Variants in ZNF665 observed in about 807,000 individuals in gnomAD.
The protein encoded by ZNF665 is zinc finger protein 665.
ZNF665 carries 6 observed loss-of-function variants against 7.9 expected under a neutral mutation model. That is an observed-to-expected ratio of 0.76 (90% CI 0.42 to 1.50). ZNF665 has a LOEUF of 1.50. ZNF665 is among the 40% of genes most tolerant of loss of function. The pLI is 0.01. For synonymous variants in ZNF665, 242 were observed against 274.5 expected, an observed-to-expected ratio of 0.88 and a Z score of 1.17; for missense variants, 819 against 806.7, an observed-to-expected ratio of 1.02 and a Z score of -0.18.
In ZNF665 at chr19:53,166,199, G is replaced by T. The variant is rs1599870479; in HGVS notation, c.291C>A (p.Asp97Glu). ...SFQEVQKNTY[D>E]FECQWKDDEG... ...CATCATCTTTCCACTGACACTCAAA[G>T]TCGTATGTATTTTTCTGAACTTCCT... Residue 97 changes from aspartate (D) to glutamate (E), a missense_variant, in exon 4 of 4, where the codon GAC (aspartate) becomes GAA (glutamate). Asp to Glu is a conservative substitution (Grantham distance 45). Coordinates refer to ENST00000396424, the MANE Select transcript of ZNF665 (RefSeq NM_024733.5). 1 of 1,613,892 alleles carries T rather than the reference G, an allele frequency of 6.2e-7. No individual in the cohort carries two copies. Among genetic ancestry groups the T allele is most frequent in the Non-Finnish European group, 8.5e-7 (1 of 1,179,876 alleles).
chr19:53,177,781 T>C (rs755850418), intron 2 of ZNF665, among the ~76,000 whole-genome samples: 14 of 152,182 alleles, frequency 9.2e-5, no homozygotes, highest in Non-Finnish European at 1.9e-4. Context: ...ACAATGCCCA[T>C]ATGCAAGGTA....
intron 3 of ZNF665, among the ~76,000 whole-genome samples, chr19:53,174,823 C>T (rs754341366): frequency 1.3e-5 from 2 of 151,730 alleles, no homozygotes; most frequent in Admixed American, 6.6e-5. Flanking sequence ...CCTGTAATCC[C>T]AGCTACTCGG....
chr19:53,191,163 T>C (rs1016952020), intron 1 of ZNF665, among the ~76,000 whole-genome samples: 1 of 152,184 alleles, frequency 6.6e-6, no homozygotes, highest in African/African-American at 2.4e-5. Flanking sequence ...AGTGTCCGAA[T>C]TGAATTAAAT....
chr19:53,173,372 CTTTTTTTTTT>C (rs34425717), intron 3 of ZNF665, among the ~76,000 whole-genome samples: 1 of 78,880 alleles, frequency 1.3e-5, no homozygotes, highest in East Asian at 4.2e-4. Context: ...TTTTTTCACT[CTTTTTTTTTT>C]TTTTTTTTTT....
At chr19:53,184,790 C>T (rs1050781205) in intron 1 of ZNF665, among the ~76,000 whole-genome samples, 12 of 151,026 alleles carry the variant, frequency 7.9e-5, no homozygotes, top group African/African-American at 2.4e-4. Flanking sequence ...AATGCCAGGC[C>T]GCGCTGATAT....
intron 3 of ZNF665, 116 bp downstream of exon 3, chr19:53,175,329 A>G: frequency 7.8e-7 from 1 of 1,278,700 alleles, no homozygotes; most frequent in Non-Finnish European, 1.1e-6. Context: ...TTCATTTATG[A>G]GTCAACAGGA....
chr19:53,170,963 T>C (rs1199782874), intron 3 of ZNF665, among the ~76,000 whole-genome samples: 1 of 152,102 alleles, frequency 6.6e-6, no homozygotes, highest in Non-Finnish European at 1.5e-5. Flanking sequence ...ATATGTATTA[T>C]ATACTGTATT....
intron 3 of ZNF665, among the ~76,000 whole-genome samples, chr19:53,171,524 A>T (rs201633928): frequency 0.023 from 1,617 of 69,408 alleles, 29 homozygotes; most frequent in African/African-American, 0.032. Flanking sequence ...ATATATATAT[A>T]TTTTTTTTTT....
At chr19:53,179,708 C>G (rs2090724399) in intron 2 of ZNF665, 1 of 152,146 alleles carries the variant, frequency 6.6e-6, no homozygotes, top group South Asian at 2.1e-4. Flanking sequence ...GCAAATAAAT[C>G]CAACCCAAAG....
chr19:53,192,705 A>C (rs768931025), intron 1 of ZNF665, among the ~76,000 whole-genome samples: 19 of 152,096 alleles, frequency 1.2e-4, no homozygotes, highest in Non-Finnish European at 2.1e-4. Context: ...AGACACCTGG[A>C]TCCTGGAGGA....
chr19:53,182,599 T>C lies in ZNF665; in HGVS notation c.15+285A>G, dbSNP rs1032397579. The C allele has an allele frequency of 1.5e-5, 11 of 732,130 alleles. 1 individual carries two copies. Among genetic ancestry groups the C allele is most frequent in the South Asian group, 1.0e-4 (7 of 67,990 alleles). 45.4% of individuals were successfully genotyped at this position (732,130 alleles called of 1,614,324 possible). ...TCAAATATGTCCTGAACAATCCCTG[T>C]TGCCCAACAGCACTGACACCACGGG... On this transcript the variant is annotated intron_variant, in intron 2 of 3. Transcript: ENST00000396424.
chr19:53,169,994 A>G (rs2090645629), intron 3 of ZNF665, among the ~76,000 whole-genome samples: 2 of 145,822 alleles, frequency 1.4e-5, no homozygotes, highest in Non-Finnish European at 3.0e-5. Context: ...CAATAAACAT[A>G]CGTGTGCGTG....
chr19:53,184,976 A>G (rs1568666742), intron 1 of ZNF665, among the ~76,000 whole-genome samples: 1 of 152,200 alleles, frequency 6.6e-6, no homozygotes, highest in Non-Finnish European at 1.5e-5. Context: ...TGCTTATCAG[A>G]GACTTTTTGT....
At chr19:53,176,716 G>C (rs1361712111) in intron 2 of ZNF665, among the ~76,000 whole-genome samples, 1 of 152,168 alleles carries the variant, frequency 6.6e-6, no homozygotes, top group Non-Finnish European at 1.5e-5. Context: ...GAACTGAATG[G>C]GAGGACACCC....
At chr19:53,176,792 C>T (rs1256302611) in intron 2 of ZNF665, among the ~76,000 whole-genome samples, 1 of 152,160 alleles carries the variant, frequency 6.6e-6, no homozygotes, top group African/African-American at 2.4e-5. Context: ...TCTGGGAGAA[C>T]GGAAGCATTC....
intron 2 of ZNF665, among the ~76,000 whole-genome samples, chr19:53,180,420 G>A (rs1336315224): frequency 6.7e-6 from 1 of 148,854 alleles, no homozygotes; most frequent in Non-Finnish European, 1.5e-5. Flanking sequence ...GCAAAAGAGT[G>A]AAACTCCATC....
rs1568652892 is a variant in ZNF665, at chr19:53,165,305, G to A, written c.1185C>T (p.Ile395=). 1 of 1,613,116 alleles carries A rather than the reference G, an allele frequency of 6.2e-7. No homozygotes were observed. The highest frequency in any genetic ancestry group is 1.3e-5 in the African/African-American group (1 of 74,870). Residue 395 remains isoleucine (I), a synonymous_variant, in exon 4 of 4, where the codon ATC becomes ATT. Coordinates refer to ENST00000396424, the MANE Select transcript of ZNF665 (RefSeq NM_024733.5). ...MHSNLTKHQI[I]HTGEKPFKCN... is the part of the protein sequence containing the mutation. ...ATTTGAAAGGCTTTTCTCCGGTATG[G>A]ATGATCTGATGCTTAGTTAAGTTTG... is the stretch of plus-strand genomic sequence containing the variant.
intron 1 of ZNF665, among the ~76,000 whole-genome samples, chr19:53,183,448 G>C (rs1362194768): frequency 1.3e-5 from 2 of 152,178 alleles, no homozygotes; most frequent in African/African-American, 4.8e-5. Flanking sequence ...CTAAGGGGGC[G>C]TAAGAGATGT....
chr19:53,164,466 A>G lies in ZNF665; in HGVS notation c.2024T>C (p.Ile675Thr), dbSNP rs971246946. The G allele has an allele frequency of 6.3e-7, 1 of 1,592,290 alleles. No individual in the cohort carries two copies. Among genetic ancestry groups the G allele is most frequent in the Non-Finnish European group, 8.6e-7 (1 of 1,169,404 alleles). ...TTTGTAAGGTTTCTATCCACTATGA[A>G]TTCTTCGATGTTTTGCAAGGTTTGA... The part of the protein sequence containing the change: ...QNSNLAKHRR[I>T]HSG The change falls in exon 4 of 4, where the codon ATT becomes ACT. Residue 675 changes from isoleucine to threonine, a missense_variant. Transcript: ENST00000396424.
Sources: gnomAD v4.1 joint callset for allele counts (sites outside exome capture counted in the v4.1 genomes callset) on GRCh38, gnomAD v4.1.1 for gene constraint, MANE v1.5 for transcripts, NCBI Gene and HGNC (gene_info 2026-07-23, HGNC 2026-07-21) for gene names.